TMTC2: variants seen among roughly 807,000 people sequenced by gnomAD.
TMTC2 encodes transmembrane O-mannosyltransferase targeting cadherins 2, also known as protein O-mannosyl-transferase TMTC2.
In TMTC2, 43 loss-of-function variants were observed where a neutral mutation model predicts 82.4. That is an observed-to-expected ratio of 0.52 (90% CI 0.41 to 0.67). The LOEUF is 0.67. Ranked by LOEUF, TMTC2 falls within the 30% of genes least tolerant of loss-of-function variation. The probability of loss-of-function intolerance (pLI) is 0.00; values close to 1 mark genes in which losing one functional copy is unlikely to be tolerated. For synonymous variants in TMTC2, 408 were observed against 381.9 expected (o/e 1.07, Z -0.80); for missense variants, 919 against 1,012.4 (o/e 0.91, Z 1.25).
intron 8 of TMTC2, among the ~76,000 whole-genome samples, chr12:83,018,090 G>A (rs1880760123): frequency 6.7e-6 from 1 of 150,370 alleles, no homozygotes; most frequent in Non-Finnish European, 1.5e-5. Flanking sequence ...TTTACATCTG[G>A]TTTTATCCTC....
chr12:82,754,100 CT>C (rs2136970232), intron 1 of TMTC2, among the ~76,000 whole-genome samples: 1 of 152,312 alleles, frequency 6.6e-6, no homozygotes, highest in South Asian at 2.1e-4. Context: ...ATGATATCTA[CT>C]AACATTTCTG....
intron 4 of TMTC2, among the ~76,000 whole-genome samples, chr12:82,957,854 T>G (rs1877697370): frequency 6.6e-6 from 1 of 151,338 alleles, no homozygotes; most frequent in African/African-American, 2.4e-5. Context: ...GGAAACTGAG[T>G]CAGTAATTAA....
At chr12:82,749,711 CTGTT>C (rs1375171443) in intron 1 of TMTC2, among the ~76,000 whole-genome samples, 3 of 148,150 alleles carry the variant, frequency 2.0e-5, no homozygotes, top group African/African-American at 5.1e-5. Context: ...CAGATAGAAA[CTGTT>C]TGTTTTTCTT....
chr12:83,020,614 C>T (rs1880873292), intron 8 of TMTC2, among the ~76,000 whole-genome samples: 1 of 152,076 alleles, frequency 6.6e-6, no homozygotes, highest in African/African-American at 2.4e-5. Flanking sequence ...GATGGATAAC[C>T]CTTATGATAA....
chr12:82,897,142 T>A (rs1009614548), intron 3 of TMTC2, among the ~76,000 whole-genome samples: 5 of 152,222 alleles, frequency 3.3e-5, no homozygotes, highest in Non-Finnish European at 7.3e-5. Flanking sequence ...TCTCTAGATG[T>A]CAGTGTGTAC....
intron 11 of TMTC2, among the ~76,000 whole-genome samples, chr12:83,102,900 A>G (rs1884267997): frequency 6.6e-6 from 1 of 152,210 alleles, no homozygotes. Flanking sequence ...TCTTAAAATC[A>G]TCAAAATTTC....
intron 10 of TMTC2, among the ~76,000 whole-genome samples, chr12:83,053,708 G>C (rs1416042050): frequency 6.6e-6 from 1 of 152,022 alleles, no homozygotes; most frequent in Non-Finnish European, 1.5e-5. Context: ...AATGGACAAA[G>C]ATCTTTCTCT....
At chr12:82,882,329 A>G (rs1872874958) in intron 2 of TMTC2, among the ~76,000 whole-genome samples, 1 of 152,276 alleles carries the variant, frequency 6.6e-6, no homozygotes, top group South Asian at 2.1e-4. Context: ...GCCTTCGGGT[A>G]CTGTTGATAT....
intron 1 of TMTC2, among the ~76,000 whole-genome samples, chr12:82,767,623 T>G (rs948604408): frequency 3.3e-5 from 5 of 152,088 alleles, no homozygotes; most frequent in African/African-American, 1.2e-4. Flanking sequence ...TGGCTGGATG[T>G]TGGTCAGTTT....
intron 8 of TMTC2, among the ~76,000 whole-genome samples, chr12:83,014,751 C>T (rs888389960): frequency 2.0e-5 from 3 of 151,722 alleles, no homozygotes; most frequent in Admixed American, 1.3e-4. Flanking sequence ...TGAGTGTTCA[C>T]AATGTATTAT....
intron 2 of TMTC2, among the ~76,000 whole-genome samples, chr12:82,893,328 G>A (rs1366119312): frequency 6.7e-6 from 1 of 148,588 alleles, no homozygotes; most frequent in African/African-American, 2.5e-5. Flanking sequence ...CTGAGATCAT[G>A]CCACTGCACT....
At chr12:82,801,361 A>G (rs1878987940) in intron 1 of TMTC2, among the ~76,000 whole-genome samples, 1 of 152,154 alleles carries the variant, frequency 6.6e-6, no homozygotes. Flanking sequence ...GTGGACCCAA[A>G]GAGTGAGCAG....
chr12:82,689,006 G>A (rs991289198), intron 1 of TMTC2, among the ~76,000 whole-genome samples: 2 of 152,232 alleles, frequency 1.3e-5, no homozygotes, highest in Non-Finnish European at 2.9e-5. Flanking sequence ...CCAGAGGCTA[G>A]TTGATAGGGA....
At chr12:82,925,101 T>C (rs1187258055) in intron 3 of TMTC2, among the ~76,000 whole-genome samples, 2 of 152,216 alleles carry the variant, frequency 1.3e-5, no homozygotes, top group Admixed American at 6.5e-5. Flanking sequence ...GCTTGCTCCT[T>C]ATCCTTTAGC....
chr12:82,906,746 A>C (rs1592617456), intron 3 of TMTC2, among the ~76,000 whole-genome samples: 1 of 152,290 alleles, frequency 6.6e-6, no homozygotes, highest in African/African-American at 2.4e-5. Context: ...TAAATCAAGG[A>C]GGAAAACCAC....
At chr12:83,003,682 T>C (rs918618431) in intron 8 of TMTC2, among the ~76,000 whole-genome samples, 3 of 152,134 alleles carry the variant, frequency 2.0e-5, no homozygotes, top group African/African-American at 4.8e-5. Flanking sequence ...AAGTTTAGTT[T>C]GGTGGGACAT....
chr12:83,022,307 G>A (rs530559192), intron 8 of TMTC2, among the ~76,000 whole-genome samples: 79 of 151,600 alleles, frequency 5.2e-4, no homozygotes, highest in African/African-American at 1.7e-3. Context: ...ACTCCCTTAG[G>A]TTACTCTTCA....
rs146980694 is a variant in TMTC2, at chr12:82,735,152, A to G, written c.83+47483A>G. On this transcript the variant is annotated intron_variant, in intron 1 of 11. Transcript: ENST00000321196. Reference sequence around the variant, plus strand: ...TCAGGATGTGCCCCTCAAAACATCTATGTTTAAATCAAATCAATCATATGC... The same window carrying G: ...TCAGGATGTGCCCCTCAAAACATCTGTGTTTAAATCAAATCAATCATATGC... Among the ~76,000 whole-genome samples the G allele has an allele frequency of 4.6e-5, 7 of 152,308 alleles. No homozygotes were observed. The East Asian group carries it at 5.8e-4, about 13-fold the overall frequency.
chr12:82,824,949 C>T (rs999652284), intron 1 of TMTC2, among the ~76,000 whole-genome samples: 5 of 152,106 alleles, frequency 3.3e-5, no homozygotes, highest in African/African-American at 4.8e-5. Flanking sequence ...ACTAGCTGGG[C>T]GTGGTGGCGC....
Sources: allele counts gnomAD v4.1 joint callset (sites outside exome capture counted in the v4.1 genomes callset), GRCh38; gene constraint gnomAD v4.1.1; transcripts MANE v1.5; gene names NCBI Gene and HGNC (gene_info 2026-07-23, HGNC 2026-07-21).